SRGAP3: variants seen among roughly 807,000 people sequenced by gnomAD.
The protein encoded by SRGAP3 is SLIT-ROBO Rho GTPase-activating protein 3.
A neutral mutation model predicts 121.1 loss-of-function variants in SRGAP3; 39 were observed. That is an observed-to-expected ratio of 0.32 (90% confidence interval 0.25 to 0.42). The LOEUF is 0.42. Among genes scored for constraint, SRGAP3 ranks in the 10% least tolerant of loss-of-function variants. The pLI, the probability that SRGAP3 is intolerant of heterozygous loss-of-function variation, is 1.00. For missense variants in SRGAP3, 1,213 were observed against 1,470.6 expected, an observed-to-expected ratio of 0.82 and a Z score of 2.86; for synonymous variants, 601 against 570.0, an observed-to-expected ratio of 1.05 and a Z score of -0.77.
chr3:9,114,195 C>A (rs1265860371), intron 2 of SRGAP3, among the ~76,000 whole-genome samples: 1 of 152,226 alleles, frequency 6.6e-6, no homozygotes, highest in Non-Finnish European at 1.5e-5. Context: ...TATAGTTAAA[C>A]CTTCTCTTTC....
intron 10 of SRGAP3, among the ~76,000 whole-genome samples, chr3:9,045,596 C>T (rs1172031101): frequency 6.6e-6 from 1 of 151,866 alleles, no homozygotes; most frequent in Admixed American, 6.6e-5. Flanking sequence ...AAAGCAAGCC[C>T]CCCCGGAGAA....
intron 15 of SRGAP3, 115 bp from the exon 16 acceptor site, chr3:9,013,957 T>C (rs538547987): frequency 1.1e-6 from 1 of 922,196 alleles, no homozygotes; most frequent in Non-Finnish European, 1.7e-6. Flanking sequence ...CCAGCTCTAC[T>C]CTTGATTCCA....
chr3:9,191,740 C>T (rs1951759268), intron 1 of SRGAP3, among the ~76,000 whole-genome samples: 1 of 152,210 alleles, frequency 6.6e-6, no homozygotes, highest in South Asian at 2.1e-4. Flanking sequence ...CGATAATCCA[C>T]AGTGTTGGAG....
intron 3 of SRGAP3, among the ~76,000 whole-genome samples, chr3:9,268,249 C>A (rs1404260070): frequency 6.6e-6 from 1 of 151,734 alleles, no homozygotes; most frequent in African/African-American, 2.4e-5. Flanking sequence ...GAGGTTGGAG[C>A]CTCAGGATGG....
chr3:9,292,460 A>G (rs973283814), intron 3 of SRGAP3: 1 of 152,094 alleles, frequency 6.6e-6, no homozygotes, highest in African/African-American at 2.4e-5. Flanking sequence ...CAAAATAGTC[A>G]CTTATTGTCC....
At chr3:9,064,277 A>C (rs1946315917) in intron 5 of SRGAP3, 119 bp downstream of exon 5, 1 of 1,373,920 alleles carries the variant, frequency 7.3e-7, no homozygotes, top group Non-Finnish European at 1.0e-6. Flanking sequence ...CCCCCTACCC[A>C]CCACCACCCC....
chr3:9,199,239 A>G (rs1951999610), intron 1 of SRGAP3, among the ~76,000 whole-genome samples: 1 of 152,134 alleles, frequency 6.6e-6, no homozygotes, highest in African/African-American at 2.4e-5. Context: ...CCCGCGACTC[A>G]CTCACACGCG....
intron 1 of SRGAP3, among the ~76,000 whole-genome samples, chr3:9,136,064 G>A (rs430063): frequency 0.092 from 14,042 of 152,248 alleles, 825 homozygotes; most frequent in East Asian, 0.16. Flanking sequence ...GCCATCTCGC[G>A]CCCCGCGTCC....
intron 3 of SRGAP3, among the ~76,000 whole-genome samples, chr3:9,088,955 T>C (rs994178912): frequency 2.0e-5 from 3 of 152,040 alleles, no homozygotes; most frequent in African/African-American, 7.2e-5. Context: ...CCCACAGATG[T>C]ATTTTAGTTT....
chr3:9,060,846 C>G (rs1161071751), intron 5 of SRGAP3, among the ~76,000 whole-genome samples: 1 of 152,094 alleles, frequency 6.6e-6, no homozygotes, highest in Non-Finnish European at 1.5e-5. Flanking sequence ...GACCTGGACT[C>G]AGGCAGCTCC....
intron 9 of SRGAP3, among the ~76,000 whole-genome samples, chr3:9,051,022 T>G (rs945655862): frequency 9.1e-6 from 1 of 109,318 alleles, no homozygotes; most frequent in African/African-American, 3.4e-5. Flanking sequence ...CATTGCTTTT[T>G]TTTTTTTTTT....
intron 1 of SRGAP3, among the ~76,000 whole-genome samples, chr3:9,150,340 GA>G (rs1950173434): frequency 2.0e-5 from 3 of 152,032 alleles, no homozygotes; most frequent in Admixed American, 2.0e-4. Context: ...CCAGAAGTAA[GA>G]AGGTGGGAGA....
intron 3 of SRGAP3, among the ~76,000 whole-genome samples, chr3:9,258,259 A>G (rs912996647): frequency 1.3e-5 from 2 of 152,230 alleles, no homozygotes; most frequent in African/African-American, 2.4e-5. Context: ...TTAGAAAGAC[A>G]AACAGCTGGA....
chr3:9,103,627 C>T (rs935265497), intron 3 of SRGAP3, among the ~76,000 whole-genome samples: 1 of 152,176 alleles, frequency 6.6e-6, no homozygotes, highest in Non-Finnish European at 1.5e-5. Flanking sequence ...CCACTCTCCC[C>T]GCACACCATT....
At chr3:9,077,424 C>T (rs1344930206) in intron 4 of SRGAP3, among the ~76,000 whole-genome samples, 1 of 152,160 alleles carries the variant, frequency 6.6e-6, no homozygotes. Flanking sequence ...GTGCAGGCAA[C>T]AAATGATCGA....
chr3:9,293,642 AAAAC>A (rs1342437546), intron 3 of SRGAP3, among the ~76,000 whole-genome samples: 1 of 152,206 alleles, frequency 6.6e-6, no homozygotes, highest in African/African-American at 2.4e-5. Context: ...TTTACAAGAA[AAAAC>A]AAACAACCCC....
intron 1 of SRGAP3, chr3:9,193,828 G>A (rs1425198431): frequency 2.6e-5 from 4 of 152,298 alleles, no homozygotes; most frequent in African/African-American, 7.2e-5. Context: ...CTGTCACCAA[G>A]CCTAAGGGCA....
intron 2 of SRGAP3, among the ~76,000 whole-genome samples, chr3:9,116,281 T>C (rs922634114): frequency 1.3e-5 from 2 of 152,220 alleles, no homozygotes; most frequent in African/African-American, 2.4e-5. Flanking sequence ...TTTATCTCCT[T>C]TCGCAGCCAC....
intron 18 of SRGAP3, 130 bp downstream of exon 18, chr3:9,010,178 T>C: frequency 8.9e-7 from 1 of 1,117,842 alleles, no homozygotes; most frequent in Non-Finnish European, 1.3e-6. Flanking sequence ...CTTCGTCTAT[T>C]CTGAAGGACA....
Sources: allele counts gnomAD v4.1 joint callset (sites outside exome capture counted in the v4.1 genomes callset), GRCh38; gene constraint gnomAD v4.1.1; transcripts MANE v1.5; gene names NCBI Gene and HGNC (gene_info 2026-07-23, HGNC 2026-07-21).